Variants in TMC1 observed in about 807,000 individuals in gnomAD.
TMC1 encodes transmembrane channel like 1, also known as transmembrane channel-like protein 1.
TMC1 carries 84 observed loss-of-function variants against 105.8 expected under a neutral mutation model. That is an observed-to-expected ratio of 0.79 (90% confidence interval 0.67 to 0.95). The LOEUF is 0.95. TMC1 is among the 40% of genes least tolerant of loss of function. The pLI, the probability that TMC1 is intolerant of heterozygous loss-of-function variation, is 0.00. For synonymous variants in TMC1, 315 were observed against 311.5 expected (o/e 1.01, Z -0.12); for missense variants, 817 against 914.1 (o/e 0.89, Z 1.37).
At chr9:72,636,079 C>T (rs1825529181) in intron 4 of TMC1, among the ~76,000 whole-genome samples, 1 of 152,108 alleles carries the variant, frequency 6.6e-6, no homozygotes, top group South Asian at 2.1e-4. Flanking sequence ...CTGCCTTCTG[C>T]CTCTCCAATC....
At chr9:72,774,158 G>T (rs892140810) in intron 13 of TMC1, among the ~76,000 whole-genome samples, 1 of 152,114 alleles carries the variant, frequency 6.6e-6, no homozygotes, top group Admixed American at 6.6e-5. Context: ...GTCATGTATG[G>T]TTATGCAGTT....
intron 17 of TMC1, among the ~76,000 whole-genome samples, chr9:72,797,002 G>A (rs990153951): frequency 6.6e-6 from 1 of 152,068 alleles, no homozygotes; most frequent in African/African-American, 2.4e-5. Flanking sequence ...AGCTTCTTAA[G>A]CGGATAAGCA....
At chr9:72,710,613 T>TA (rs1412694196) in intron 8 of TMC1, among the ~76,000 whole-genome samples, 1 of 152,204 alleles carries the variant, frequency 6.6e-6, no homozygotes, top group African/African-American at 2.4e-5. Context: ...TTGTATTTTT[T>TA]AACTGCTGTT....
chr9:72,762,433 C>T (rs1000074540), intron 12 of TMC1, among the ~76,000 whole-genome samples: 7 of 152,184 alleles, frequency 4.6e-5, no homozygotes, highest in African/African-American at 1.7e-4. Flanking sequence ...TAGATCATAG[C>T]TGTTCATATT....
chr9:72,527,208 A>T (rs1460588564), intron 1 of TMC1, among the ~76,000 whole-genome samples: 2 of 152,150 alleles, frequency 1.3e-5, no homozygotes, highest in Admixed American at 6.5e-5. Context: ...AATCCCCTTG[A>T]GAACTTCTTT....
At chr9:72,823,193 T>G (rs1036004132) in intron 20 of TMC1, among the ~76,000 whole-genome samples, 1 of 152,034 alleles carries the variant, frequency 6.6e-6, no homozygotes, top group Non-Finnish European at 1.5e-5. Context: ...TTTTTTCATG[T>G]CAGTTTCCTC....
At chr9:72,559,501 C>T (rs1348322402) in intron 1 of TMC1, among the ~76,000 whole-genome samples, 1 of 152,148 alleles carries the variant, frequency 6.6e-6, no homozygotes, top group African/African-American at 2.4e-5. Flanking sequence ...TTTCCTGATA[C>T]CTTCTGTAAC....
chr9:72,718,520 C>T (rs1277918590), intron 8 of TMC1, among the ~76,000 whole-genome samples: 1 of 152,176 alleles, frequency 6.6e-6, no homozygotes, highest in Non-Finnish European at 1.5e-5. Flanking sequence ...TGGGCTGGCA[C>T]TGGGGGATGT....
chr9:72,535,305 C>T (rs1264767833), intron 1 of TMC1, among the ~76,000 whole-genome samples: 1 of 152,164 alleles, frequency 6.6e-6, no homozygotes, highest in East Asian at 1.9e-4. Flanking sequence ...TAGAAGTCAT[C>T]CTTGAAAGTT....
At chr9:72,818,593 G>A (rs1442610830) in intron 19 of TMC1, 5 of 152,184 alleles carry the variant, frequency 3.3e-5, no homozygotes, top group Non-Finnish European at 5.9e-5. Context: ...TTGATCAGAT[G>A]TGAATAATTT....
intron 5 of TMC1, among the ~76,000 whole-genome samples, chr9:72,687,384 T>A (rs1265556150): frequency 6.6e-6 from 1 of 152,148 alleles, no homozygotes; most frequent in Admixed American, 6.6e-5. Context: ...TAATTGCAAA[T>A]AAAAGACCAT....
intron 1 of TMC1, among the ~76,000 whole-genome samples, chr9:72,562,941 G>A (rs1242682738): frequency 6.6e-6 from 1 of 151,628 alleles, no homozygotes; most frequent in African/African-American, 2.4e-5. Context: ...GAGATCACTG[G>A]GTAACAGAAC....
At chr9:72,540,595 T>G (rs796204311) in intron 1 of TMC1, among the ~76,000 whole-genome samples, 1 of 152,350 alleles carries the variant, frequency 6.6e-6, no homozygotes, top group African/African-American at 2.4e-5. Flanking sequence ...TTGGCTCTTA[T>G]GCCTGTTTGT....
chr9:72,575,372 G>A (rs913656420), intron 1 of TMC1, among the ~76,000 whole-genome samples: 1 of 152,006 alleles, frequency 6.6e-6, no homozygotes, highest in Non-Finnish European at 1.5e-5. Context: ...GTACTGACGG[G>A]GTTTCACCAT....
chr9:72,640,428 G>A (rs1445225114), intron 4 of TMC1, among the ~76,000 whole-genome samples: 2 of 152,126 alleles, frequency 1.3e-5, no homozygotes, highest in Non-Finnish European at 2.9e-5. Context: ...CATCATGGGG[G>A]TGAGCAGCCT....
chr9:72,820,554 T>C (rs112851218), intron 19 of TMC1, among the ~76,000 whole-genome samples: 66 of 152,366 alleles, frequency 4.3e-4, no homozygotes, highest in African/African-American at 1.5e-3. Flanking sequence ...TTGTTTACTC[T>C]GTTGTAGTTT....
Position 72,528,498 on chromosome 9 carries a change from C to A in TMC1, c.-428+6585C>A, listed in dbSNP as rs12349934. 2.2e-3 allele frequency among the ~76,000 whole-genome samples: 341 copies of A among 152,062 alleles called. 4 individuals carry two copies. Among genetic ancestry groups the A allele is most frequent in the African/African-American group, 7.9e-3 (328 of 41,492 alleles). On this transcript the variant is annotated intron_variant, in intron 1 of 23. Transcript: ENST00000297784. ...TATAGGCATGCGCCACCATGCCTGG[C>A]GAATTTTGTATTTTTGGTAGAGACA...
At chr9:72,752,701 A>G (rs1189873946) in intron 11 of TMC1, among the ~76,000 whole-genome samples, 2 of 152,204 alleles carry the variant, frequency 1.3e-5, no homozygotes, top group Non-Finnish European at 2.9e-5. Context: ...GGTTTTAGTT[A>G]ACCTACAAAG....
At chr9:72,572,255 G>A (rs1824300412) in intron 1 of TMC1, among the ~76,000 whole-genome samples, 1 of 151,726 alleles carries the variant, frequency 6.6e-6, no homozygotes, top group African/African-American at 2.4e-5. Context: ...GGAGTGCAGT[G>A]GCGTGATCTC....
Sources: allele counts gnomAD v4.1 joint callset (sites outside exome capture counted in the v4.1 genomes callset), GRCh38; gene constraint gnomAD v4.1.1; transcripts MANE v1.5; gene names NCBI Gene and HGNC (gene_info 2026-07-23, HGNC 2026-07-21).